The following C2CD2L variants were observed in gnomAD, a reference collection of about 807,000 sequenced individuals.
C2CD2L encodes C2CD2 like, also known as phospholipid transfer protein C2CD2L.
In C2CD2L, 24 loss-of-function variants were observed where a neutral mutation model predicts 69.9. The ratio of observed to expected loss-of-function variants is 0.34; its 90% CI spans 0.25 to 0.48. C2CD2L has a LOEUF of 0.48. Among genes scored for constraint, C2CD2L ranks in the 20% least tolerant of loss-of-function variants. C2CD2L has a pLI of 0.99. For missense variants in C2CD2L, 811 were observed against 941.5 expected (o/e 0.86, Z 1.81); for synonymous variants, 367 against 391.0 (o/e 0.94, Z 0.72).
At chr11:119,102,257 ATGCC>A (rs1220147401), upstream of C2CD2L, 7 of 484,174 alleles carry the variant, frequency 1.4e-5, no homozygotes, top group Admixed American at 1.6e-4. Flanking sequence ...TTAATCTGGG[ATGCC>A]TCCGGCTCCA....
chr11:119,107,303 G>C (rs538902938), upstream of C2CD2L: 79 of 153,284 alleles, frequency 5.2e-4, no homozygotes, highest in East Asian at 8.1e-3. The surrounding 1 kb of genome is among the most constrained non-coding windows in gnomAD (Gnocchi z 5.4). Flanking sequence ...GCCCGGCGCG[G>C]GTGCGGCTCC....
rs765510665 is a variant in C2CD2L at position 119,110,949 on chromosome 11, G to A, written c.673G>A (p.Ala225Thr). ...LSLTVLPKLQARERGEEQVEL... is the reference protein window; with the variant it reads ...LSLTVLPKLQTRERGEEQVEL... ...CCTAACGGTGCTTCCCAAGCTTCAG[G>A]CCAGGGAGGTAAGGAGGCAGAGCTG... is the stretch of plus-strand genomic sequence containing the variant. Residue 225 changes from alanine to threonine, a missense_variant, in exon 4 of 14, where the codon GCC becomes ACC. By Grantham distance (58) the Ala-to-Thr change is moderately conservative. Transcript: ENST00000648610. This position sits in a 1 kb window ranked among gnomAD's most constrained non-coding sequence, Gnocchi z 5.7. 1.2e-6 allele frequency: 2 copies of A among 1,614,150 alleles called. No individual in the cohort carries two copies. The highest frequency in any genetic ancestry group is 1.7e-6 in the Non-Finnish European group (2 of 1,179,984).
chr11:119,110,996 G>T lies in C2CD2L; in HGVS notation c.681+39G>T. 1 of 1,613,662 alleles carries T rather than the reference G, an allele frequency of 6.2e-7. No individual in the cohort carries two copies. Among genetic ancestry groups the T allele is most frequent in the Non-Finnish European group, 8.5e-7 (1 of 1,179,594 alleles). On this transcript the variant is annotated intron_variant, in intron 4 of 13. Coordinates refer to ENST00000648610, the MANE Select transcript of C2CD2L (RefSeq NM_001290474.2). The surrounding 1 kb of genome is among the most constrained non-coding windows in gnomAD (Gnocchi z 5.7). The stretch of plus-strand genomic sequence containing the variant: ...GCTGGCAGAGAAGAGGCAGAACGGG[G>T]AGGGAGGCAGAGGTGGGGGATCCAC...
chr11:119,110,797 C>A lies in C2CD2L; in HGVS notation c.571-50C>A, dbSNP rs762137452. On this transcript the variant is annotated intron_variant, in intron 3 of 13. Transcript: ENST00000648610. The surrounding 1 kb of genome is among the most constrained non-coding windows in gnomAD (Gnocchi z 5.7). ...AAGGGAGAGTCCTCGAATTAGGAGT[C>A]CTTGGGTAAATGGGGCAAGTCAGCC... is the stretch of plus-strand genomic sequence containing the variant. 4 of 1,608,236 alleles carry A rather than the reference C, an allele frequency of 2.5e-6. No homozygotes were observed. The highest frequency in any genetic ancestry group is 3.3e-4 in the Middle Eastern group (2 of 6,044).
Position 119,107,683 on chromosome 11 carries a change from G to A in C2CD2L, c.-59G>A. 2 of 1,156,082 alleles carry A rather than the reference G, an allele frequency of 1.7e-6. No individual in the cohort carries two copies. The highest frequency in any genetic ancestry group is 2.0e-5 in the South Asian group (1 of 49,464). The allele number at this position is 1,156,082 out of a possible 1,614,324, so 71.6% of individuals were successfully genotyped here. On this transcript the variant is annotated 5_prime_UTR_variant, in exon 1 of 14. It removes an upstream start codon present in the reference 5' UTR. Coordinates refer to ENST00000648610, the MANE Select transcript of C2CD2L (RefSeq NM_001290474.2). This position sits in a 1 kb window ranked among gnomAD's most constrained non-coding sequence, Gnocchi z 5.4. ...CCTCCCCGCGGCCCGCCCGGGCCAT[G>A]CTCCCCCGGGGCAGCGGGTGAGCCC... is the stretch of plus-strand genomic sequence containing the variant.
At position 119,108,051 on chromosome 11, in the gene C2CD2L, C is replaced by T. The variant is rs1304046837; in HGVS notation, c.310C>T (p.Arg104Trp). 3 of 1,599,076 alleles carry T rather than the reference C, an allele frequency of 1.9e-6. No homozygotes were observed. Among genetic ancestry groups the T allele is most frequent in the African/African-American group, 2.8e-5 (2 of 72,700 alleles). ...AFKSFRENWQ[R>W]AWVRALNEQA... The stretch of plus-strand genomic sequence containing the variant: ...CAAGTCTTTCCGGGAGAACTGGCAG[C>T]GGGCTTGGGTGCGAGCGCTGAACGA... The change falls in exon 1 of 14, where the codon CGG becomes TGG. Residue 104 changes from arginine (R) to tryptophan (W), a missense_variant. Coordinates refer to ENST00000648610, the MANE Select transcript of C2CD2L (RefSeq NM_001290474.2).
chr11:119,114,045 C>T lies in C2CD2L; in HGVS notation c.1624-35C>T, dbSNP rs1389228060. 3 of 1,613,270 alleles carry T rather than the reference C, an allele frequency of 1.9e-6. No individual in the cohort carries two copies. In the South Asian group the frequency reaches 3.3e-5, roughly 18 times the overall value. ...GGGGAGAAAGCCCTAATGGGTCGGT[C>T]ACTCCTGCCCATTAAAACCCGTCCC... On this transcript the variant is annotated intron_variant, in intron 12 of 13. Transcript: ENST00000648610. The surrounding 1 kb of genome is among the most constrained non-coding windows in gnomAD (Gnocchi z 5.1).
intron 1 of C2CD2L, 172 bp downstream of exon 1, chr11:119,108,267 A>C: frequency 1.9e-6 from 1 of 525,316 alleles, no homozygotes; most frequent in Non-Finnish European, 3.3e-6. Flanking sequence ...AGGTTGTAGA[A>C]ATCCAACTGG....
intron 13 of C2CD2L, chr11:119,115,778 G>A (rs1946870307): frequency 3.4e-6 from 2 of 581,268 alleles, no homozygotes; most frequent in Admixed American, 3.0e-5. Context: ...AGTTAAGATT[G>A]TACACAGATC....
upstream of C2CD2L, among the ~76,000 whole-genome samples, chr11:119,104,805 C>T (rs150613367): frequency 8.2e-4 from 125 of 152,324 alleles, 1 homozygote; most frequent in African/African-American, 2.5e-3. Flanking sequence ...AAAAATGTTT[C>T]ATAGTGCCAC....
At chr11:119,115,453 T>G (rs1946860928) in intron 13 of C2CD2L, 1 of 153,970 alleles carries the variant, frequency 6.5e-6, no homozygotes, top group Non-Finnish European at 1.4e-5. Context: ...CTATCAACCA[T>G]GGATCTATCT....
In C2CD2L at chr11:119,107,402, A is replaced by C; in HGVS notation, c.-340A>C. The C allele has an allele frequency of 4.9e-6, 1 of 204,560 alleles. No individual in the cohort carries two copies. Among genetic ancestry groups the C allele is most frequent in the Non-Finnish European group, 9.8e-6 (1 of 102,514 alleles). The allele number at this position is 204,560 out of a possible 1,614,324, so 12.7% of individuals were successfully genotyped here. A position where few individuals can be genotyped will look rare whatever the true frequency, so the allele number is the denominator to read the frequency against. On this transcript the variant is annotated 5_prime_UTR_variant, in exon 1 of 14. Transcript: ENST00000648610. The surrounding 1 kb of genome is among the most constrained non-coding windows in gnomAD (Gnocchi z 5.4). ...CTCCCGGAGCCGGTGCCGGCCCGCG[A>C]GCCCCAGCGTCTCTGCAGACCAGTC...
In C2CD2L at chr11:119,112,800, C is replaced by T. The variant is rs1592241776; in HGVS notation, c.1313C>T (p.Thr438Ile). Residue 438 changes from threonine to isoleucine, a missense_variant, in exon 10 of 14, where the codon ACC becomes ATC. Thr to Ile is a moderately conservative substitution (Grantham distance 89). Transcript: ENST00000648610. ...TPTKKIELDR[T>I]IMPDGTIVTT... is the part of the protein sequence containing the mutation. ...ACCAAGAAGATTGAGCTTGACCGGA[C>T]CATCATGCCCGATGGCACCATTGTC... The T allele has an allele frequency of 6.2e-7, 1 of 1,614,096 alleles. No homozygotes were observed. The highest frequency in any genetic ancestry group is 1.7e-4 in the Middle Eastern group (1 of 6,058).
chr11:119,102,263 C>A (rs765463233), upstream of C2CD2L: 2 of 481,536 alleles, frequency 4.2e-6, no homozygotes, highest in South Asian at 3.1e-5. Context: ...TGGGATGCCT[C>A]CGGCTCCAGG....
In C2CD2L at chr11:119,107,379, C is replaced by A. The variant is rs1047120192; in HGVS notation, c.-363C>A. On this transcript the variant is annotated 5_prime_UTR_variant, in exon 1 of 14. Coordinates refer to ENST00000648610, the MANE Select transcript of C2CD2L (RefSeq NM_001290474.2). The surrounding 1 kb of genome is among the most constrained non-coding windows in gnomAD (Gnocchi z 5.4). The stretch of plus-strand genomic sequence containing the variant: ...GTGTCAGCTCTGCGCACGCAGCCCT[C>A]CCGGAGCCGGTGCCGGCCCGCGAGC... 3.9e-5 allele frequency: 7 copies of A among 180,216 alleles called. No individual in the cohort carries two copies. Among genetic ancestry groups the A allele is most frequent in the Non-Finnish European group, 6.9e-5 (6 of 86,924 alleles). The allele number at this position is 180,216 out of a possible 1,614,324, so 11.2% of individuals were successfully genotyped here.
rs1946882634 is a variant in C2CD2L at position 119,116,092 on chromosome 11, A to G, written c.1957A>G (p.Arg653Gly). The G allele has an allele frequency of 1.9e-6, 3 of 1,614,088 alleles. No homozygotes were observed. The highest frequency in any genetic ancestry group is 2.5e-6 in the Non-Finnish European group (3 of 1,180,012). ...TAAGCTCATCTTCCGCCGGAGGCCT[A>G]GGCAGAAGGAAGCTGGCCTGAGCCA... ...GTKLIFRRRP[R>G]QKEAGLSQSH... Residue 653 changes from arginine (R) to glycine (G), a missense_variant, in exon 14 of 14, where the codon AGG becomes GGG. By Grantham distance (125) the Arg-to-Gly change is moderately radical. Transcript: ENST00000648610.
chr11:119,109,772 G>C lies in C2CD2L; in HGVS notation c.355-332G>C, dbSNP rs1383136230. On this transcript the variant is annotated intron_variant, in intron 1 of 13. Coordinates refer to ENST00000648610, the MANE Select transcript of C2CD2L (RefSeq NM_001290474.2). The surrounding 1 kb of genome is among the most constrained non-coding windows in gnomAD (Gnocchi z 5.1). Reference sequence around the variant, plus strand: ...TTTGTTTGTTATTTGTTTTTTTAGGGGGTAGGGTAGGGGATGAAAGGGATT... The same window carrying C: ...TTTGTTTGTTATTTGTTTTTTTAGGCGGTAGGGTAGGGGATGAAAGGGATT... Among the ~76,000 whole-genome samples, 1 of 152,216 alleles carries C rather than the reference G, an allele frequency of 6.6e-6. No homozygotes were observed. Among genetic ancestry groups the C allele is most frequent in the East Asian group, 1.9e-4 (1 of 5,184 alleles).
chr11:119,114,260 G>A lies in C2CD2L; in HGVS notation c.1804G>A (p.Glu602Lys). 6.2e-7 allele frequency: 1 copy of A among 1,614,192 alleles called. No homozygotes were observed. Among genetic ancestry groups the A allele is most frequent in the South Asian group, 1.1e-5 (1 of 91,078 alleles). The change falls in exon 13 of 14, where the codon GAG becomes AAG. Residue 602 changes from glutamate (E) to lysine (K), a missense_variant. Physicochemically the swap from Glu to Lys is moderately conservative, Grantham distance 56 (BLOSUM62 1). Transcript: ENST00000648610. This position sits in a 1 kb window ranked among gnomAD's most constrained non-coding sequence, Gnocchi z 5.1. ...SSPTSVQEAD[E>K]TTRSDISERP... ...TCCCACAAGTGTCCAGGAAGCAGACGAGACAACCCGTTCGGATATTTCTGA... is the reference window on the plus strand; with the variant it reads ...TCCCACAAGTGTCCAGGAAGCAGACAAGACAACCCGTTCGGATATTTCTGA...
In C2CD2L at chr11:119,118,201, T is replaced by C. The variant is rs919120910; in HGVS notation, c.*1945T>C. ...TTTAGTGTGCGCATCGCCCAAATAG[T>C]GAACATCATACCCAATAGGTAGTTT... On this transcript the variant is annotated 3_prime_UTR_variant, in exon 14 of 14. Transcript: ENST00000648610. The C allele has an allele frequency of 3.9e-5, 6 of 152,164 alleles. No homozygotes were observed. The highest frequency in any genetic ancestry group is 1.4e-4 in the African/African-American group (6 of 41,446). The allele number at this position is 152,164 out of a possible 1,614,324, so 9.4% of individuals were successfully genotyped here. A position where few individuals can be genotyped will look rare whatever the true frequency, so the allele number is the denominator to read the frequency against.
Sources: gnomAD v4.1 joint callset for allele counts (sites outside exome capture counted in the v4.1 genomes callset) on GRCh38, gnomAD v4.1.1 for gene constraint, Gnocchi (gnomAD v3.1) non-coding constraint, MANE v1.5 for transcripts, NCBI Gene and HGNC (gene_info 2026-07-23, HGNC 2026-07-21) for gene names.